Variants in ZNF326 observed in about 807,000 individuals in gnomAD.
The protein encoded by ZNF326 is zinc finger protein 326, also known as DBIRD complex subunit ZNF326.
Under a neutral mutation model 63.1 loss-of-function variants are expected in ZNF326, and 30 were observed. The ratio of observed to expected loss-of-function variants is 0.48; its 90% confidence interval spans 0.36 to 0.64. ZNF326 has a LOEUF of 0.64. Among genes scored for constraint, ZNF326 ranks in the 30% least tolerant of loss-of-function variants. The pLI, the probability that ZNF326 is intolerant of heterozygous loss-of-function variation, is 0.00. For missense variants in ZNF326, 609 were observed against 720.3 expected, an observed-to-expected ratio of 0.85 and a Z score of 1.77; for synonymous variants, 194 against 228.2, an observed-to-expected ratio of 0.85 and a Z score of 1.35.
Position 90,028,563 on chromosome 1 carries a change from A to G in ZNF326, c.*862A>G, listed in dbSNP as rs1256420805. ...CTGTAGTTGTGTTAGTTCTTTTGTC[A>G]TGTCTGTTTTTGGCTGAAGAACCAA... On this transcript the variant is annotated 3_prime_UTR_variant, in exon 12 of 12. Transcript: ENST00000340281. 2 of 152,268 alleles carry G rather than the reference A, an allele frequency of 1.3e-5. No individual in the cohort carries two copies. Among genetic ancestry groups the G allele is most frequent in the Admixed American group, 6.5e-5 (1 of 15,300 alleles). 9.4% of individuals were successfully genotyped at this position (152,268 alleles called of 1,614,324 possible).
chr1:89,998,223 C>A, intron 2 of ZNF326, 69 bp downstream of exon 2: 1 of 1,463,748 alleles, frequency 6.8e-7, no homozygotes, highest in Non-Finnish European at 9.5e-7. Flanking sequence ...AAGGCCAGTT[C>A]TACCTATTTC....
rs1039768524 is a variant in ZNF326, at chr1:90,030,153, A to C, written c.*2452A>C. 2.4e-4 allele frequency: 36 copies of C among 152,212 alleles called. No homozygotes were observed. The highest frequency in any genetic ancestry group is 7.2e-4 in the African/African-American group (30 of 41,450). The allele number at this position is 152,212 out of a possible 1,614,324, so 9.4% of individuals were successfully genotyped here. ...TATCACTTTCTACCTACAGTCTACCAAAAAGTCTGTCTGTTCTACTTCCAA... is the reference window on the plus strand; with the variant it reads ...TATCACTTTCTACCTACAGTCTACCCAAAAGTCTGTCTGTTCTACTTCCAA... On this transcript the variant is annotated 3_prime_UTR_variant, in exon 12 of 12. Coordinates refer to ENST00000340281, the MANE Select transcript of ZNF326 (RefSeq NM_182976.4).
chr1:90,022,598 A>T lies in ZNF326; in HGVS notation c.1401+253A>T, dbSNP rs188989135. Among the ~76,000 whole-genome samples, 5 of 152,374 alleles carry T rather than the reference A, an allele frequency of 3.3e-5. No individual in the cohort carries two copies. The East Asian group carries it at 7.7e-4, about 23-fold the overall frequency. Reference sequence around the variant, plus strand: ...ATACACAAGCATTAGATAGAAAATCAAAATGTCAGCTTTATTCTTGATTTA... The same window carrying T: ...ATACACAAGCATTAGATAGAAAATCTAAATGTCAGCTTTATTCTTGATTTA... On this transcript the variant is annotated intron_variant, in intron 11 of 11. Coordinates refer to ENST00000340281, the MANE Select transcript of ZNF326 (RefSeq NM_182976.4).
At chr1:90,023,474 C>A (rs1348440815) in intron 11 of ZNF326, among the ~76,000 whole-genome samples, 1 of 152,082 alleles carries the variant, frequency 6.6e-6, no homozygotes, top group African/African-American at 2.4e-5. Context: ...GTTCTTGCAG[C>A]TCGTTCCTTA....
chr1:90,020,166 T>C (rs948245941), intron 9 of ZNF326, among the ~76,000 whole-genome samples: 1 of 152,098 alleles, frequency 6.6e-6, no homozygotes. Flanking sequence ...TCAGGAACTT[T>C]CAGTGGCTCT....
At chr1:90,001,217 A>G (rs1648659103) in intron 2 of ZNF326, among the ~76,000 whole-genome samples, 1 of 152,168 alleles carries the variant, frequency 6.6e-6, no homozygotes, top group South Asian at 2.1e-4. Flanking sequence ...AGGGGGTGCA[A>G]AATCTCCCCT....
Position 90,031,337 on chromosome 1 carries a change from A to G in ZNF326, c.*3636A>G, listed in dbSNP as rs1488905907. On this transcript the variant is annotated 3_prime_UTR_variant, in exon 12 of 12. Transcript: ENST00000340281. ...AAGGTAAATGTTAGTGCATGTTGAA[A>G]TGTATTTAAGAACTCTGTTTTTGTT... 6.6e-6 allele frequency: 1 copy of G among 152,242 alleles called. No individual in the cohort carries two copies. The highest frequency in any genetic ancestry group is 1.5e-5 in the Non-Finnish European group (1 of 68,044). The allele number at this position is 152,242 out of a possible 1,614,324, so 9.4% of individuals were successfully genotyped here.
chr1:90,026,541 TC>T (rs1029002453), intron 11 of ZNF326, among the ~76,000 whole-genome samples: 1 of 152,210 alleles, frequency 6.6e-6, no homozygotes, highest in African/African-American at 2.4e-5. Context: ...CCTCCCCTTT[TC>T]CTTTCCGTTG....
At chr1:90,017,594 T>C in intron 8 of ZNF326, 130 bp downstream of exon 8, 1 of 814,854 alleles carries the variant, frequency 1.2e-6, no homozygotes, top group East Asian at 3.2e-5. Context: ...AAAGAGTTGT[T>C]TTAAAATTAA....
intron 7 of ZNF326, among the ~76,000 whole-genome samples, chr1:90,015,382 A>G (rs1446411934): frequency 6.6e-6 from 1 of 152,192 alleles, no homozygotes; most frequent in African/African-American, 2.4e-5. Flanking sequence ...TATAACTTCT[A>G]AATAAGGGTA....
chr1:90,003,444 A>G (rs1648798225), intron 2 of ZNF326, among the ~76,000 whole-genome samples: 1 of 152,154 alleles, frequency 6.6e-6, no homozygotes, highest in South Asian at 2.1e-4. Context: ...TGCTGTTCTA[A>G]GATAAAATTT....
At position 90,007,506 on chromosome 1, in the gene ZNF326, G is replaced by A. The variant is rs768749263; in HGVS notation, c.371G>A (p.Gly124Asp). 2 of 1,614,130 alleles carry A rather than the reference G, an allele frequency of 1.2e-6. No individual in the cohort carries two copies. The highest frequency in any genetic ancestry group is 1.7e-6 in the Non-Finnish European group (2 of 1,180,014). Residue 124 changes from glycine to aspartate, a missense_variant, in exon 5 of 12, where the codon GGT (glycine) becomes GAT (aspartate). Physicochemically the swap from Gly to Asp is moderately conservative, Grantham distance 94. This residue lies in a region of ZNF326 where 113 missense variants were observed against 187.4 expected (regional missense o/e 0.60). Transcript: ENST00000340281. This position sits in a 1 kb window ranked among gnomAD's most constrained non-coding sequence, Gnocchi z 4.9. ...SYRNSLDSFG[G>D]RNQGGSSWEA... ...CGGAATAGCCTTGACTCTTTCGGAG[G>A]TAGAAACCAGGGCGGGTCTAGCTGG...
intron 1 of ZNF326, among the ~76,000 whole-genome samples, chr1:89,997,833 C>T (rs1158837691): frequency 2.0e-5 from 3 of 152,176 alleles, no homozygotes; most frequent in African/African-American, 7.2e-5. Flanking sequence ...AGTGCTGAAT[C>T]CCCTCTTTTG....
rs1439619363 is a variant in ZNF326 at position 90,017,361 on chromosome 1, A to G, written c.971A>G (p.Glu324Gly). 1 of 1,605,174 alleles carries G rather than the reference A, an allele frequency of 6.2e-7. No homozygotes were observed. The highest frequency in any genetic ancestry group is 8.5e-7 in the Non-Finnish European group (1 of 1,177,410). ...TTTTGTAAATTTCGAACATTTGAAG[A>G]AAAAGATATTGAACTGCATCTGGAA... ...CSFCKFRTFE[E>G]KDIELHLESS... The change falls in exon 8 of 12, where the codon GAA becomes GGA. Residue 324 changes from glutamate (E) to glycine (G), a missense_variant. Around this residue, in one of 3 missense-constraint regions of ZNF326, gnomAD observed 399 missense variants for 444.3 expected, o/e 0.90. Transcript: ENST00000340281.
Position 90,028,353 on chromosome 1 carries a change from A to G in ZNF326, c.*652A>G, listed in dbSNP as rs558112242. On this transcript the variant is annotated 3_prime_UTR_variant, in exon 12 of 12. Coordinates refer to ENST00000340281, the MANE Select transcript of ZNF326 (RefSeq NM_182976.4). ...TTTTAAGATGATTGAGAAGACTTGA[A>G]TTAAAGAAAAAAAAATTCTCAATCA... The G allele has an allele frequency of 1.1e-5, 1 of 94,664 alleles. No individual in the cohort carries two copies. Among genetic ancestry groups the G allele is most frequent in the Admixed American group, 1.2e-4 (1 of 8,088 alleles). The allele number at this position is 94,664 out of a possible 1,614,324, so 5.9% of individuals were successfully genotyped here. A position where few individuals can be genotyped will look rare whatever the true frequency, so the allele number is the denominator to read the frequency against.
intron 7 of ZNF326, among the ~76,000 whole-genome samples, chr1:90,015,363 C>T (rs1338972082): frequency 1.3e-5 from 2 of 152,106 alleles, no homozygotes; most frequent in Non-Finnish European, 2.9e-5. Context: ...ACAATGTAGT[C>T]TCATGAGATA....
At chr1:90,024,226 C>T (rs1649903313) in intron 11 of ZNF326, among the ~76,000 whole-genome samples, 2 of 152,038 alleles carry the variant, frequency 1.3e-5, no homozygotes, top group South Asian at 2.1e-4. Context: ...CTTAGAGACA[C>T]GGCAGAGAAG....
chr1:90,016,531 G>T (rs1004427551), intron 7 of ZNF326, among the ~76,000 whole-genome samples: 2 of 151,796 alleles, frequency 1.3e-5, no homozygotes, highest in African/African-American at 4.8e-5. Context: ...GCCTGGCCAA[G>T]GTGGCAAAAA....
At chr1:90,005,108 C>T (rs780658853) in intron 3 of ZNF326, 25 bp from the exon 4 acceptor site, 2 of 1,613,608 alleles carry the variant, frequency 1.2e-6, no homozygotes, top group African/African-American at 1.3e-5. Flanking sequence ...CATCATATAA[C>T]TTTTTTCTTT....
Sources: allele counts gnomAD v4.1 joint callset (sites outside exome capture counted in the v4.1 genomes callset), GRCh38; gene constraint gnomAD v4.1.1; regional missense constraint gnomAD v4.1.1; non-coding constraint Gnocchi (gnomAD v3.1); transcripts MANE v1.5; gene names NCBI Gene and HGNC (gene_info 2026-07-23, HGNC 2026-07-21).